Variants in TMEM178B observed in about 807,000 individuals in gnomAD.
TMEM178B encodes the protein transmembrane protein 178B.
A neutral mutation model predicts 31.0 loss-of-function variants in TMEM178B; 5 were observed. The observed-to-expected ratio is 0.16, with a 90% confidence interval of 0.08 to 0.34. The LOEUF is 0.34. Among genes scored for constraint, TMEM178B ranks in the 10% least tolerant of loss-of-function variants. TMEM178B has a pLI of 1.00. For missense variants in TMEM178B, 275 were observed against 400.3 expected (o/e 0.69, Z 2.67); for synonymous variants, 164 against 164.0 (o/e 1.00, Z 0.00).
rs1799341442 is a variant in TMEM178B at position 141,334,048 on chromosome 7, G to A, written c.497-103560G>A. Among the ~76,000 whole-genome samples, 3 of 152,202 alleles carry A rather than the reference G, an allele frequency of 2.0e-5. 1 individual carries two copies. The highest frequency in any genetic ancestry group is 6.5e-5 in the Admixed American group (1 of 15,282). On this transcript the variant is annotated intron_variant, in intron 2 of 3. Coordinates refer to ENST00000565468, the MANE Select transcript of TMEM178B (RefSeq NM_001195278.2). The stretch of plus-strand genomic sequence containing the variant: ...CAGGAAGAGGAGGGTTGGAAGAGAA[G>A]CCAAACCTAGGGGGAAGAGGCTGAA...
chr7:141,419,032 C>T lies in TMEM178B; in HGVS notation c.497-18576C>T, dbSNP rs189748956. On this transcript the variant is annotated intron_variant, in intron 2 of 3. Transcript: ENST00000565468. ...AAGTGATTATCCTGCCTCAGCCTAC[C>T]GAATAGCTGGGATTACAGGCATGAG... 1.8e-4 allele frequency among the ~76,000 whole-genome samples: 28 copies of T among 152,246 alleles called. No homozygotes were observed. In the East Asian group the frequency reaches 5.0e-3, roughly 27 times the overall value.
At chr7:141,334,387 G>A (rs906658360) in intron 2 of TMEM178B, among the ~76,000 whole-genome samples, 3 of 152,186 alleles carry the variant, frequency 2.0e-5, no homozygotes, top group Non-Finnish European at 2.9e-5. Context: ...GAAGTATATT[G>A]TGAGTCTGGT....
At chr7:141,295,940 C>T (rs1176609699) in intron 2 of TMEM178B, among the ~76,000 whole-genome samples, 1 of 152,166 alleles carries the variant, frequency 6.6e-6, no homozygotes, top group Non-Finnish European at 1.5e-5. Context: ...CTGTGTTAAC[C>T]TTTCCAGGCT....
chr7:141,480,496 G>C (rs2116745312), downstream of TMEM178B: 1 of 152,320 alleles, frequency 6.6e-6, no homozygotes, highest in South Asian at 2.1e-4. Context: ...CAATTATTAT[G>C]TAGATAACCA....
rs550796618 is a variant in TMEM178B at position 141,171,820 on chromosome 7, C to T, written c.383-40771C>T. On this transcript the variant is annotated intron_variant, in intron 1 of 3. Coordinates refer to ENST00000565468, the MANE Select transcript of TMEM178B (RefSeq NM_001195278.2). The surrounding 1 kb of genome is among the most constrained non-coding windows in gnomAD (Gnocchi z 4.3). ...TGCCTAACACTGTGCTAGCATTTAT[C>T]AGGCTCTCAATACACATTTGTGAAT... 1.4e-5 allele frequency among the ~76,000 whole-genome samples: 2 copies of T among 146,070 alleles called. No homozygotes were observed. Among genetic ancestry groups the T allele is most frequent in the Admixed American group, 1.4e-4 (2 of 14,178 alleles).
At chr7:141,136,256 C>T (rs538306064) in intron 1 of TMEM178B, among the ~76,000 whole-genome samples, 8 of 152,194 alleles carry the variant, frequency 5.3e-5, no homozygotes, top group South Asian at 2.1e-4. Flanking sequence ...TCAACAAAGT[C>T]GACAAGAACC....
At chr7:141,442,663 T>C (rs1801682480) in intron 3 of TMEM178B, among the ~76,000 whole-genome samples, 1 of 152,198 alleles carries the variant, frequency 6.6e-6, no homozygotes, top group African/African-American at 2.4e-5. Context: ...TTGTAATCCC[T>C]TGTGGATGGC....
intron 2 of TMEM178B, among the ~76,000 whole-genome samples, chr7:141,390,628 A>G (rs1800517686): frequency 6.6e-6 from 1 of 152,210 alleles, no homozygotes; most frequent in South Asian, 2.1e-4. Flanking sequence ...AGAAATTCTC[A>G]AACTACCTGC....
At chr7:141,198,055 C>CCT (rs3035739) in intron 1 of TMEM178B, among the ~76,000 whole-genome samples, 1 of 151,570 alleles carries the variant, frequency 6.6e-6, no homozygotes, top group African/African-American at 2.4e-5. Context: ...CTCTTCTTTC[C>CCT]CTCTCTCTCT....
chr7:141,313,118 T>A (rs1300555994), intron 2 of TMEM178B, among the ~76,000 whole-genome samples: 1 of 152,168 alleles, frequency 6.6e-6, no homozygotes, highest in Non-Finnish European at 1.5e-5. Context: ...AGTATTTTTT[T>A]AAAAACTCTA....
chr7:141,406,444 A>G (rs147963301), intron 2 of TMEM178B, among the ~76,000 whole-genome samples: 213 of 152,354 alleles, frequency 1.4e-3, no homozygotes, highest in African/African-American at 4.9e-3. Flanking sequence ...TTCACTGCCC[A>G]TAAATCCTAA....
At chr7:141,139,619 G>A (rs539428157) in intron 1 of TMEM178B, among the ~76,000 whole-genome samples, 3 of 152,206 alleles carry the variant, frequency 2.0e-5, no homozygotes, top group South Asian at 2.1e-4. Flanking sequence ...TGGGACTACA[G>A]GGATGAGCTG....
chr7:141,218,116 C>T (rs747130041), intron 2 of TMEM178B, among the ~76,000 whole-genome samples: 2 of 151,982 alleles, frequency 1.3e-5, no homozygotes, highest in Admixed American at 1.3e-4. Flanking sequence ...GCTCACTCAT[C>T]GGCCCTGTGG....
At chr7:141,103,541 C>T (rs1795092530) in intron 1 of TMEM178B, among the ~76,000 whole-genome samples, 1 of 152,078 alleles carries the variant, frequency 6.6e-6, no homozygotes, top group African/African-American at 2.4e-5. Context: ...AGGGCTCTAT[C>T]TCATTTGTCT....
intron 3 of TMEM178B, among the ~76,000 whole-genome samples, chr7:141,443,662 C>G (rs1254749135): frequency 2.0e-5 from 3 of 152,104 alleles, no homozygotes; most frequent in Non-Finnish European, 2.9e-5. Flanking sequence ...AATTATTTTT[C>G]CCCCATTTCC....
intron 2 of TMEM178B, among the ~76,000 whole-genome samples, chr7:141,231,252 C>A (rs955012877): frequency 2.0e-5 from 3 of 150,144 alleles, no homozygotes; most frequent in African/African-American, 7.3e-5. Flanking sequence ...CAAACAAAGC[C>A]TTCTCAAAGT....
chr7:141,284,228 G>A (rs909880323), intron 2 of TMEM178B, among the ~76,000 whole-genome samples: 1 of 152,174 alleles, frequency 6.6e-6, no homozygotes, highest in African/African-American at 2.4e-5. Flanking sequence ...GTCTCCAGAG[G>A]TTAGAGATGT....
At chr7:141,266,102 T>A (rs1022583234) in intron 2 of TMEM178B, among the ~76,000 whole-genome samples, 6 of 152,176 alleles carry the variant, frequency 3.9e-5, no homozygotes, top group Non-Finnish European at 8.8e-5. Flanking sequence ...CAGAGGCTGT[T>A]TAGGGACTAG....
At chr7:141,293,445 A>G (rs1363565702) in intron 2 of TMEM178B, among the ~76,000 whole-genome samples, 2 of 152,188 alleles carry the variant, frequency 1.3e-5, no homozygotes, top group African/African-American at 4.8e-5. Flanking sequence ...TTTTCTGGGT[A>G]AAAAGTGACT....
Sources: gnomAD v4.1 joint callset for allele counts (sites outside exome capture counted in the v4.1 genomes callset) on GRCh38, gnomAD v4.1.1 for gene constraint, Gnocchi (gnomAD v3.1) non-coding constraint, MANE v1.5 for transcripts, NCBI Gene and HGNC (gene_info 2026-07-23, HGNC 2026-07-21) for gene names.